The following ATP10B variants were observed in gnomAD, a reference collection of about 807,000 sequenced individuals.
ATP10B encodes the protein phospholipid-transporting ATPase VB.
ATP10B carries 122 observed loss-of-function variants against 141.2 expected under a neutral mutation model. The ratio of observed to expected loss-of-function variants is 0.86; its 90% CI spans 0.75 to 1.00. The LOEUF is 1.00. Ranked by LOEUF, ATP10B falls within the 50% of genes least tolerant of loss-of-function variation. ATP10B has a pLI of 0.00. For missense variants in ATP10B, 1,876 were observed against 1,825.3 expected, an observed-to-expected ratio of 1.03 and a Z score of -0.51; for synonymous variants, 685 against 692.0, an observed-to-expected ratio of 0.99 and a Z score of 0.16.
At chr5:160,627,436 C>T (rs908031384) in intron 13 of ATP10B, among the ~76,000 whole-genome samples, 11 of 152,196 alleles carry the variant, frequency 7.2e-5, no homozygotes, top group African/African-American at 2.7e-4. Flanking sequence ...TGTTTGTTGA[C>T]TGACCCAATA....
chr5:160,670,653 T>C lies in ATP10B; in HGVS notation c.485A>G (p.Tyr162Cys), dbSNP rs746958421. The change falls in exon 7 of 26, where the codon TAT (tyrosine) becomes TGT (cysteine). Residue 162 changes from tyrosine to cysteine, a missense_variant. Physicochemically the swap from Tyr to Cys is radical, Grantham distance 194. Coordinates refer to ENST00000327245, the MANE Select transcript of ATP10B (RefSeq NM_025153.3). Reference protein sequence around the residue: ...IRIYERKEQTYVQKCWKDVRV... With the variant: ...IRIYERKEQTCVQKCWKDVRV... ...CACATCCTTCCAGCACTTCTGCACA[T>C]AGGTCTGCTCTTTTCTTGGGTGAGA... 6.2e-7 allele frequency: 1 copy of C among 1,613,506 alleles called. No individual in the cohort carries two copies. Among genetic ancestry groups the C allele is most frequent in the Non-Finnish European group, 8.5e-7 (1 of 1,179,778 alleles).
chr5:160,657,707 T>G (rs1436584565), intron 7 of ATP10B, among the ~76,000 whole-genome samples: 1 of 152,222 alleles, frequency 6.6e-6, no homozygotes, highest in African/African-American at 2.4e-5. Flanking sequence ...CTTCTGTCAT[T>G]TCTAAAAGGA....
chr5:160,640,346 G>A lies in ATP10B; in HGVS notation c.1000+115C>T, dbSNP rs547095979. The A allele has an allele frequency of 8.5e-6, 10 of 1,178,006 alleles. No homozygotes were observed. In the East Asian group the frequency reaches 2.4e-4, roughly 28 times the overall value. The allele number at this position is 1,178,006 out of a possible 1,614,324, so 73.0% of individuals were successfully genotyped here. A position where few individuals can be genotyped will look rare whatever the true frequency, so the allele number is the denominator to read the frequency against. ...TTCATTTCATTGGCATCCCGTTAAA[G>A]TGGGCAGGGTAGGCTTTACATTTTA... On this transcript the variant is annotated intron_variant, in intron 10 of 25. Transcript: ENST00000327245.
chr5:160,767,156 A>T (rs1769509992), intron 2 of ATP10B, among the ~76,000 whole-genome samples: 1 of 152,236 alleles, frequency 6.6e-6, no homozygotes, highest in Non-Finnish European at 1.5e-5. Context: ...TGTTTTAAGA[A>T]AGTTAATACA....
At chr5:160,784,011 AAAT>A in intron 2 of ATP10B, among the ~76,000 whole-genome samples, 1 of 152,280 alleles carries the variant, frequency 6.6e-6, no homozygotes, top group East Asian at 1.9e-4. Context: ...AAATTGAGGA[AAAT>A]AATAATAGCT....
intron 7 of ATP10B, among the ~76,000 whole-genome samples, chr5:160,669,237 T>C (rs765097529): frequency 6.6e-6 from 1 of 152,226 alleles, no homozygotes; most frequent in Non-Finnish European, 1.5e-5. Context: ...TATGAAAGCA[T>C]TGATATTAAT....
rs1581119883 is a variant in ATP10B at position 160,564,151 on chromosome 5, T to C, written c.*1302A>G. The C allele has an allele frequency of 6.6e-6, 1 of 152,188 alleles. No homozygotes were observed. The allele number at this position is 152,188 out of a possible 1,614,324, so 9.4% of individuals were successfully genotyped here. ...AAAGACTCACCACACTTATTGCATC[T>C]ATTTCTGTACTTTTTGCCTACTATA... On this transcript the variant is annotated 3_prime_UTR_variant, in exon 26 of 26. Transcript: ENST00000327245.
intron 8 of ATP10B, among the ~76,000 whole-genome samples, chr5:160,644,840 G>A (rs985571867): frequency 1.3e-5 from 2 of 152,176 alleles, no homozygotes; most frequent in South Asian, 4.1e-4. Flanking sequence ...CAGTAGGGCC[G>A]GGTGCAGTGG....
Position 160,844,325 on chromosome 5 carries a change from C to T in ATP10B, c.-576+7616G>A, listed in dbSNP as rs572047848. Among the ~76,000 whole-genome samples, 9 of 152,142 alleles carry T rather than the reference C, an allele frequency of 5.9e-5. No individual in the cohort carries two copies. In the South Asian group the frequency reaches 8.3e-4, roughly 14 times the overall value. On this transcript the variant is annotated intron_variant, in intron 1 of 25. Transcript: ENST00000327245. ...ATTTCCATCAAGAGTAGAAAATGTACGTAAGTTGTGGTGTACTCACATGAT... is the reference window on the plus strand; with the variant it reads ...ATTTCCATCAAGAGTAGAAAATGTATGTAAGTTGTGGTGTACTCACATGAT...
At chr5:160,882,278 T>C in the ATP10B span, among the ~76,000 whole-genome samples, 1 of 152,104 alleles carries the variant, frequency 6.6e-6, no homozygotes, top group African/African-American at 2.4e-5. Flanking sequence ...GACGTGTCAG[T>C]GTAGATTCTT....
At chr5:160,679,494 C>T (rs1763242974) in intron 6 of ATP10B, among the ~76,000 whole-genome samples, 1 of 152,188 alleles carries the variant, frequency 6.6e-6, no homozygotes, top group Non-Finnish European at 1.5e-5. Flanking sequence ...CAGGGCTCTC[C>T]TGAAATTTTA....
chr5:160,801,742 C>T lies in ATP10B; in HGVS notation c.-575-15939G>A, dbSNP rs149840135. On this transcript the variant is annotated intron_variant, in intron 1 of 25. Coordinates refer to ENST00000327245, the MANE Select transcript of ATP10B (RefSeq NM_025153.3). ...ACTCACCTGGACCTCTAGCAATATACAGGCCAAGCCCAAGTTCACCAGTTA... is the reference window on the plus strand; with the variant it reads ...ACTCACCTGGACCTCTAGCAATATATAGGCCAAGCCCAAGTTCACCAGTTA... Among the ~76,000 whole-genome samples the T allele has an allele frequency of 1.0e-3, 152 of 152,268 alleles. No individual in the cohort carries two copies. The South Asian group carries it at 0.02, about 20-fold the overall frequency.
At chr5:160,721,343 C>A (rs1226016503) in intron 2 of ATP10B, among the ~76,000 whole-genome samples, 1 of 152,094 alleles carries the variant, frequency 6.6e-6, no homozygotes. Context: ...TCTAGTACTG[C>A]CACATCAGGG....
intron 10 of ATP10B, among the ~76,000 whole-genome samples, chr5:160,637,174 A>G (rs1759468905): frequency 6.8e-6 from 1 of 147,502 alleles, no homozygotes; most frequent in Non-Finnish European, 1.5e-5. Flanking sequence ...TTATCCTTCT[A>G]TTCATCAGTT....
At chr5:160,755,863 ATATATATATATATATT>A (rs1768550557) in intron 2 of ATP10B, among the ~76,000 whole-genome samples, 1 of 123,738 alleles carries the variant, frequency 8.1e-6, no homozygotes, top group Admixed American at 7.9e-5. Flanking sequence ...ATATATATAT[ATATATATATATATATT>A]ATAATTTTAT....
At chr5:160,866,348 G>A in the ATP10B span, among the ~76,000 whole-genome samples, 3,809 of 152,142 alleles carry the variant, frequency 0.025, 142 homozygotes, top group African/African-American at 0.087. Flanking sequence ...TTATAAAAGC[G>A]GGAGCTAAGC....
At chr5:160,682,889 A>T (rs1487609480) in intron 6 of ATP10B, among the ~76,000 whole-genome samples, 1 of 151,838 alleles carries the variant, frequency 6.6e-6, no homozygotes, top group African/African-American at 2.4e-5. Flanking sequence ...AATACAAAAA[A>T]TTAGCCAGGC....
intron 7 of ATP10B, among the ~76,000 whole-genome samples, chr5:160,655,960 G>A (rs567331827): frequency 5.3e-5 from 8 of 152,214 alleles, no homozygotes; most frequent in South Asian, 4.2e-4. Flanking sequence ...GTGCCAGGGC[G>A]TAATCACTCC....
At chr5:160,706,319 A>G (rs918262999) in intron 3 of ATP10B, among the ~76,000 whole-genome samples, 1 of 152,242 alleles carries the variant, frequency 6.6e-6, no homozygotes, top group African/African-American at 2.4e-5. Flanking sequence ...TAAAAAACAC[A>G]GTATCTGTGA....
Sources: allele counts gnomAD v4.1 joint callset (sites outside exome capture counted in the v4.1 genomes callset), GRCh38; gene constraint gnomAD v4.1.1; transcripts MANE v1.5; gene names NCBI Gene and HGNC (gene_info 2026-07-23, HGNC 2026-07-21).